MACROD2: variants seen among roughly 807,000 people sequenced by gnomAD.
MACROD2 encodes ADP-ribose glycohydrolase MACROD2.
MACROD2 carries 36 observed loss-of-function variants against 70.4 expected under a neutral mutation model. The ratio of observed to expected loss-of-function variants is 0.51; its 90% CI spans 0.39 to 0.68. The LOEUF is 0.68. Ranked by LOEUF, MACROD2 falls within the 30% of genes least tolerant of loss-of-function variation. MACROD2 has a pLI of 0.00. For synonymous variants in MACROD2, 172 were observed against 178.8 expected, an observed-to-expected ratio of 0.96 and a Z score of 0.30; for missense variants, 496 against 538.4, an observed-to-expected ratio of 0.92 and a Z score of 0.78.
intron 3 of MACROD2, among the ~76,000 whole-genome samples, chr20:14,427,539 T>G (rs1235512522): frequency 6.6e-6 from 1 of 151,738 alleles, no homozygotes; most frequent in Non-Finnish European, 1.5e-5. Flanking sequence ...TAACATAATA[T>G]ATAACATATC....
At chr20:15,004,526 C>T (rs867363604) in intron 5 of MACROD2, among the ~76,000 whole-genome samples, 5 of 152,260 alleles carry the variant, frequency 3.3e-5, no homozygotes, top group Middle Eastern at 3.4e-3. Context: ...ATCTATTTAT[C>T]AATATGCACA....
chr20:14,496,300 T>C (rs2084852575), intron 4 of MACROD2, among the ~76,000 whole-genome samples: 1 of 152,196 alleles, frequency 6.6e-6, no homozygotes, highest in Non-Finnish European at 1.5e-5. Context: ...CATACAAAAA[T>C]AATAATGGGA....
At chr20:15,779,649 T>C (rs1023549613) in intron 8 of MACROD2, among the ~76,000 whole-genome samples, 2 of 152,280 alleles carry the variant, frequency 1.3e-5, no homozygotes, top group South Asian at 4.1e-4. Flanking sequence ...TTTCTTTGTT[T>C]GTGTGTTTTC....
At chr20:15,799,122 T>A (rs2063701332) in intron 8 of MACROD2, among the ~76,000 whole-genome samples, 1 of 152,178 alleles carries the variant, frequency 6.6e-6, no homozygotes, top group Admixed American at 6.5e-5. Flanking sequence ...AAATTGGGCC[T>A]ATAGTTTTAA....
intron 7 of MACROD2, among the ~76,000 whole-genome samples, chr20:15,454,410 C>CAA (rs921087637): frequency 1.3e-3 from 32 of 24,174 alleles, no homozygotes; most frequent in African/African-American, 3.0e-3. Flanking sequence ...TATTCAAACA[C>CAA]ACACACACAC....
At position 15,851,308 on chromosome 20, in the gene MACROD2, C is replaced by A. The variant is rs538102879; in HGVS notation, c.646-11437C>A. Among the ~76,000 whole-genome samples, 6 of 151,948 alleles carry A rather than the reference C, an allele frequency of 3.9e-5. No homozygotes were observed. In the South Asian group the frequency reaches 1.3e-3, roughly 32 times the overall value. On this transcript the variant is annotated intron_variant, in intron 8 of 17. Transcript: ENST00000684519. ...AGTGGGGAAAGTGTCTTAGTCTACT[C>A]AGGCTGCCATCATAAAGTACCACAG...
intron 8 of MACROD2, among the ~76,000 whole-genome samples, chr20:15,503,138 T>C (rs2047385028): frequency 6.6e-6 from 1 of 152,186 alleles, no homozygotes; most frequent in African/African-American, 2.4e-5. Flanking sequence ...ATGTGATATA[T>C]GACAAAAAGA....
chr20:14,249,137 T>A (rs569899742), intron 3 of MACROD2, among the ~76,000 whole-genome samples: 3 of 147,624 alleles, frequency 2.0e-5, no homozygotes, highest in Admixed American at 6.7e-5. Flanking sequence ...GGTTTTTTTT[T>A]TTTTTTTTTT....
intron 8 of MACROD2, among the ~76,000 whole-genome samples, chr20:15,769,310 G>A (rs916209490): frequency 6.6e-6 from 1 of 151,934 alleles, no homozygotes; most frequent in African/African-American, 2.4e-5. Flanking sequence ...ACCACGCCCG[G>A]CTAATTTTGT....
At position 15,960,601 on chromosome 20, in the gene MACROD2, A is replaced by G. The variant is rs117620088; in HGVS notation, c.908-6952A>G. On this transcript the variant is annotated intron_variant, in intron 12 of 17. Transcript: ENST00000684519. Reference sequence around the variant, plus strand: ...GGACAGGGAAGGGAGGACAGCCCCTAGGGGATATTAATGATCAAGTTACTG... The same window carrying G: ...GGACAGGGAAGGGAGGACAGCCCCTGGGGGATATTAATGATCAAGTTACTG... Among the ~76,000 whole-genome samples the G allele has an allele frequency of 5.3e-5, 8 of 152,260 alleles. No individual in the cohort carries two copies. In the East Asian group the frequency reaches 1.5e-3, roughly 29 times the overall value.
At chr20:14,455,297 TAGAA>T (rs958337907) in intron 3 of MACROD2, among the ~76,000 whole-genome samples, 2 of 151,858 alleles carry the variant, frequency 1.3e-5, no homozygotes, top group Non-Finnish European at 2.9e-5. Context: ...AACTTTTTGA[TAGAA>T]AGAGCTCAAA....
In MACROD2 at chr20:14,797,541, C is replaced by A. The variant is rs899065039; in HGVS notation, c.418+112582C>A. On this transcript the variant is annotated intron_variant, in intron 5 of 17. Transcript: ENST00000684519. ...TGTCCCATCTGCTAAGGATGCTCTTCCTCTCCGTTCTTTCTCACCTAGTTA... is the reference window on the plus strand; with the variant it reads ...TGTCCCATCTGCTAAGGATGCTCTTACTCTCCGTTCTTTCTCACCTAGTTA... Among the ~76,000 whole-genome samples, 10 of 152,046 alleles carry A rather than the reference C, an allele frequency of 6.6e-5. 1 individual carries two copies. Among genetic ancestry groups the A allele is most frequent in the Non-Finnish European group, 1.3e-4 (9 of 68,020 alleles).
At chr20:15,523,398 G>T (rs945830520) in intron 8 of MACROD2, among the ~76,000 whole-genome samples, 1 of 152,188 alleles carries the variant, frequency 6.6e-6, no homozygotes, top group Non-Finnish European at 1.5e-5. Flanking sequence ...TGTAGTCAAG[G>T]TCAGTGGCTA....
chr20:15,283,247 C>T (rs903061457), intron 6 of MACROD2, among the ~76,000 whole-genome samples: 4 of 152,110 alleles, frequency 2.6e-5, no homozygotes, highest in Non-Finnish European at 5.9e-5. Flanking sequence ...TAATCTTGAA[C>T]CTGAAATAAT....
rs545624888 is a variant in MACROD2, at chr20:15,217,536, CT to C, written c.419-12396del. Among the ~76,000 whole-genome samples, 371 of 152,002 alleles carry C rather than the reference CT, an allele frequency of 2.4e-3. 2 individuals carry two copies. Among genetic ancestry groups the C allele is most frequent in the African/African-American group, 8.5e-3 (351 of 41,466 alleles). On this transcript the variant is annotated intron_variant, in intron 5 of 17. Coordinates refer to ENST00000684519, the MANE Select transcript of MACROD2 (RefSeq NM_001351661.2). ...GATAATAATTACACATTCTATTGAT[CT>C]TTTTTTTCTGATATTGTCAGCTACT... is the stretch of plus-strand genomic sequence containing the variant.
chr20:14,972,802 T>A (rs1712761934), intron 5 of MACROD2, among the ~76,000 whole-genome samples: 1 of 152,194 alleles, frequency 6.6e-6, no homozygotes. Context: ...GCTTCACTAC[T>A]TTGAGTGAAT....
At chr20:14,496,964 A>C (rs890974427) in intron 4 of MACROD2, among the ~76,000 whole-genome samples, 13 of 151,716 alleles carry the variant, frequency 8.6e-5, no homozygotes, top group Non-Finnish European at 1.6e-4. Flanking sequence ...TCAAAGTTGC[A>C]TAGCTTATAG....
At chr20:15,425,688 G>T (rs1263948615) in intron 6 of MACROD2, among the ~76,000 whole-genome samples, 1 of 152,154 alleles carries the variant, frequency 6.6e-6, no homozygotes, top group Non-Finnish European at 1.5e-5. Context: ...GGCTATGGAG[G>T]GGAAGGTATG....
chr20:14,861,976 AAT>A (rs369913144), intron 5 of MACROD2, among the ~76,000 whole-genome samples: 3,864 of 41,880 alleles, frequency 0.092, 518 homozygotes, highest in African/African-American at 0.21. Context: ...TTTATATATA[AAT>A]ATATATATAT....
Sources: gnomAD v4.1 joint callset for allele counts (sites outside exome capture counted in the v4.1 genomes callset) on GRCh38, gnomAD v4.1.1 for gene constraint, MANE v1.5 for transcripts, NCBI Gene and HGNC (gene_info 2026-07-23, HGNC 2026-07-21) for gene names.